Variants in ANTXR1 observed in about 807,000 individuals in gnomAD.
ANTXR1 encodes the protein ANTXR cell adhesion molecule 1.
In ANTXR1, 19 loss-of-function variants were observed where a neutral mutation model predicts 78.1. The ratio of observed to expected loss-of-function variants is 0.24; its 90% CI spans 0.17 to 0.36. ANTXR1 has a LOEUF of 0.36. ANTXR1 is among the 10% of genes least tolerant of loss of function. The pLI is 1.00. For synonymous variants in ANTXR1, 273 were observed against 260.5 expected, an observed-to-expected ratio of 1.05 and a Z score of -0.46; for missense variants, 518 against 718.6, an observed-to-expected ratio of 0.72 and a Z score of 3.19.
intron 17 of ANTXR1, among the ~76,000 whole-genome samples, chr2:69,208,043 T>A (rs765302992): frequency 1.3e-5 from 2 of 152,154 alleles, no homozygotes; most frequent in Non-Finnish European, 2.9e-5. Flanking sequence ...GGTAGGTATA[T>A]GTAAAATAGA....
chr2:69,170,401 C>T (rs926903973), intron 14 of ANTXR1, 112 bp downstream of exon 14: 2 of 1,290,790 alleles, frequency 1.5e-6, no homozygotes, highest in Non-Finnish European at 2.2e-6. Context: ...AAGTCAAGCT[C>T]AAAGGATTTA....
intron 17 of ANTXR1, 68 bp downstream of exon 17, chr2:69,193,483 A>ACACATATATT: frequency 7.7e-7 from 1 of 1,300,854 alleles, no homozygotes; most frequent in East Asian, 2.3e-5. Flanking sequence ...ACACACACAC[A>ACACATATATT]CACACACATA....
intron 17 of ANTXR1, among the ~76,000 whole-genome samples, chr2:69,217,696 ACTG>A (rs1675212114): frequency 6.6e-6 from 1 of 152,172 alleles, no homozygotes; most frequent in African/African-American, 2.4e-5. Context: ...TTAATTAACT[ACTG>A]CAAGTCAGGG....
At chr2:69,194,091 A>C (rs1392388058) in intron 17 of ANTXR1, among the ~76,000 whole-genome samples, 2 of 152,230 alleles carry the variant, frequency 1.3e-5, no homozygotes, top group Admixed American at 1.3e-4. Flanking sequence ...ACAAACAAAA[A>C]CAAAAATCAC....
chr2:69,098,071 G>A (rs535738399), intron 9 of ANTXR1, among the ~76,000 whole-genome samples: 17 of 152,290 alleles, frequency 1.1e-4, no homozygotes, highest in Admixed American at 3.9e-4. Context: ...CAGACCAGTG[G>A]TTGTGTGGGA....
Position 69,214,711 on chromosome 2 carries a change from G to A in ANTXR1, c.1434+21296G>A, listed in dbSNP as rs188918237. On this transcript the variant is annotated intron_variant, in intron 17 of 17. Transcript: ENST00000303714. The stretch of plus-strand genomic sequence containing the variant: ...GGTAGGGGCAGGTGAGCAGAGGTAG[G>A]AGAAAAAGTAGACCTTCCTTGAACT... 5.9e-5 allele frequency among the ~76,000 whole-genome samples: 9 copies of A among 152,302 alleles called. No homozygotes were observed. The East Asian group carries it at 1.5e-3, about 26-fold the overall frequency.
At position 69,151,186 on chromosome 2, in the gene ANTXR1, C is replaced by CTTTTTT. The variant is rs59147668; in HGVS notation, c.952-965_952-960dup. On this transcript the variant is annotated intron_variant, in intron 12 of 17. Coordinates refer to ENST00000303714, the MANE Select transcript of ANTXR1 (RefSeq NM_032208.3). ...CTGTACAAACATATCTGATTATTTTCTTTTTTTTTTTTTTTTTTTTTTTGA... is the reference window on the plus strand; with the variant it reads ...CTGTACAAACATATCTGATTATTTTCTTTTTTTTTTTTTTTTTTTTTTTTTTTTTGA... Among the ~76,000 whole-genome samples, 247 of 82,558 alleles carry CTTTTTT rather than the reference C, an allele frequency of 3.0e-3. 1 individual carries two copies. Among genetic ancestry groups the CTTTTTT allele is most frequent in the African/African-American group, 3.6e-3 (75 of 20,616 alleles). The allele number at this position is 82,558 out of a possible 152,430, so 54.2% of individuals were successfully genotyped here.
At chr2:69,243,107 C>CTGTGGGGGAAATGTTTGGGGGAAAAGGGA (rs1675930470) in intron 17 of ANTXR1, among the ~76,000 whole-genome samples, 1 of 152,212 alleles carries the variant, frequency 6.6e-6, no homozygotes, top group Non-Finnish European at 1.5e-5. Flanking sequence ...AACTCCTAAA[C>CTGTGGGGGAAATGTTTGGGGGAAAAGGGA]CAATTGCAGT....
intron 17 of ANTXR1, among the ~76,000 whole-genome samples, chr2:69,240,178 G>A (rs1368462370): frequency 6.6e-6 from 1 of 152,196 alleles, no homozygotes; most frequent in Non-Finnish European, 1.5e-5. Flanking sequence ...AAGACATCTT[G>A]CTGCACCTCG....
intron 13 of ANTXR1, among the ~76,000 whole-genome samples, chr2:69,155,810 C>A (rs1461472195): frequency 6.6e-6 from 1 of 152,098 alleles, no homozygotes; most frequent in Admixed American, 6.5e-5. Flanking sequence ...TTTATGTATA[C>A]AGAGAAAGGC....
intron 1 of ANTXR1, among the ~76,000 whole-genome samples, chr2:69,017,617 T>C (rs1671060938): frequency 6.6e-6 from 1 of 152,098 alleles, no homozygotes; most frequent in Non-Finnish European, 1.5e-5. Context: ...AGTAACACAA[T>C]AGGGCATTAT....
intron 14 of ANTXR1, among the ~76,000 whole-genome samples, chr2:69,170,900 A>G (rs1673965659): frequency 6.6e-6 from 1 of 152,222 alleles, no homozygotes; most frequent in Admixed American, 6.5e-5. Context: ...GTTCTGATGC[A>G]AGGGTGGCCT....
At chr2:69,132,850 C>T (rs556451986) in intron 12 of ANTXR1, among the ~76,000 whole-genome samples, 13 of 152,268 alleles carry the variant, frequency 8.5e-5, no homozygotes, top group Non-Finnish European at 1.3e-4. Context: ...GTTAGGGACT[C>T]GAAGAATAGC....
Position 69,201,726 on chromosome 2 carries a change from A to T in ANTXR1, c.1434+8311A>T, listed in dbSNP as rs75058623. ...GTAGAAAGTGTGAAGGAGGACCTCCAGGATTTGGCCCAAGCGACATTGCTG... is the reference window on the plus strand; with the variant it reads ...GTAGAAAGTGTGAAGGAGGACCTCCTGGATTTGGCCCAAGCGACATTGCTG... On this transcript the variant is annotated intron_variant, in intron 17 of 17. Transcript: ENST00000303714. Among the ~76,000 whole-genome samples the T allele has an allele frequency of 8.7e-3, 1,331 of 152,312 alleles. 37 individuals are homozygous for T. The East Asian group carries it at 0.097, about 11-fold the overall frequency.
In ANTXR1 at chr2:69,241,559, A is replaced by G. The variant is rs75910482; in HGVS notation, c.1435-3666A>G. Reference sequence around the variant, plus strand: ...GGTCCTATAAGAAATAAGTTACAGGACTTGGTGGCAACAGGAGGAGAGAAC... The same window carrying G: ...GGTCCTATAAGAAATAAGTTACAGGGCTTGGTGGCAACAGGAGGAGAGAAC... On this transcript the variant is annotated intron_variant, in intron 17 of 17. Coordinates refer to ENST00000303714, the MANE Select transcript of ANTXR1 (RefSeq NM_032208.3). 6.5e-3 allele frequency among the ~76,000 whole-genome samples: 995 copies of G among 152,304 alleles called. 8 individuals are homozygous for G. The highest frequency in any genetic ancestry group is 9.7e-3 in the Non-Finnish European group (662 of 68,032).
chr2:69,235,918 A>T (rs1322408819), intron 17 of ANTXR1, among the ~76,000 whole-genome samples: 1 of 152,198 alleles, frequency 6.6e-6, no homozygotes, highest in Non-Finnish European at 1.5e-5. Context: ...GGCCTCAGGA[A>T]ATTTACAATC....
At chr2:69,149,629 A>G (rs1673335761) in intron 12 of ANTXR1, among the ~76,000 whole-genome samples, 1 of 152,234 alleles carries the variant, frequency 6.6e-6, no homozygotes, top group African/African-American at 2.4e-5. Flanking sequence ...TATTATTCCA[A>G]ATGCACATAG....
At chr2:69,105,484 TAGTAATTCACC>T (rs1671778675) in intron 10 of ANTXR1, among the ~76,000 whole-genome samples, 1 of 152,250 alleles carries the variant, frequency 6.6e-6, no homozygotes. Context: ...GGCCTTTAGT[TAGTAATTCACC>T]TGTTCATTTC....
chr2:69,023,267 G>GTGATGC (rs201511004), intron 1 of ANTXR1, among the ~76,000 whole-genome samples: 16,525 of 152,106 alleles, frequency 0.11, 2,442 homozygotes, highest in African/African-American at 0.34. Context: ...GATGGTGATG[G>GTGATGC]TGATGGTTAT....
Sources: gnomAD v4.1 joint callset for allele counts (sites outside exome capture counted in the v4.1 genomes callset) on GRCh38, gnomAD v4.1.1 for gene constraint, MANE v1.5 for transcripts, NCBI Gene and HGNC (gene_info 2026-07-23, HGNC 2026-07-21) for gene names.